The following TPMT variants were observed in gnomAD, a reference collection of about 807,000 sequenced individuals.
The protein encoded by TPMT is thiopurine S-methyltransferase.
Under a neutral mutation model 34.2 loss-of-function variants are expected in TPMT, and 18 were observed. The observed-to-expected ratio is 0.53, with a 90% CI of 0.36 to 0.78. The LOEUF is 0.78. Ranked by LOEUF, TPMT falls within the 30% of genes least tolerant of loss-of-function variation. TPMT has a pLI of 0.00. For synonymous variants in TPMT, 69 were observed against 92.4 expected, an observed-to-expected ratio of 0.75 and a Z score of 1.45; for missense variants, 265 against 288.1, an observed-to-expected ratio of 0.92 and a Z score of 0.58.
chr6:18,147,198 T>A (rs1361462005), intron 3 of TPMT, among the ~76,000 whole-genome samples: 3 of 152,256 alleles, frequency 2.0e-5, no homozygotes, highest in Non-Finnish European at 4.4e-5. Context: ...TGATTGTATC[T>A]GTATATTATC....
rs947936677 is a variant in TPMT, at chr6:18,139,781, G to C, written c.367-64C>G. On this transcript the variant is annotated intron_variant, in intron 4 of 8. Transcript: ENST00000309983. The surrounding 1 kb of genome is among the most constrained non-coding windows in gnomAD (Gnocchi z 4.2). ...CTTAGTAAGTACTTGAATAGTCAAG[G>C]AAAGAGGGCCAAGCAAAGCAAAAGT... is the stretch of plus-strand genomic sequence containing the variant. The C allele has an allele frequency of 8.9e-7, 1 of 1,120,144 alleles. No homozygotes were observed. The highest frequency in any genetic ancestry group is 1.6e-5 in the African/African-American group (1 of 63,332). 69.4% of individuals were successfully genotyped at this position (1,120,144 alleles called of 1,614,324 possible).
chr6:18,133,961 G>A, intron 6 of TPMT, 72 bp from the exon 7 acceptor site: 1 of 1,265,948 alleles, frequency 7.9e-7, no homozygotes, highest in Non-Finnish European at 1.1e-6. Flanking sequence ...AAAAGGCAGG[G>A]AAGGAAGCCA....
At chr6:18,133,055 T>C (rs181535775) in intron 7 of TPMT, among the ~76,000 whole-genome samples, 22 of 152,250 alleles carry the variant, frequency 1.4e-4, no homozygotes, top group African/African-American at 5.1e-4. Flanking sequence ...ATGAAACCAC[T>C]GCACTCCAGC....
At chr6:18,147,974 T>C in intron 2 of TPMT, 59 bp from the exon 3 acceptor site, 1 of 1,271,392 alleles carries the variant, frequency 7.9e-7, no homozygotes, top group Non-Finnish European at 1.1e-6. Flanking sequence ...ACACTTTTCA[T>C]TCATTATCTC....
chr6:18,132,056 C>G lies in TPMT; in HGVS notation c.625+77G>C, dbSNP rs1279094524. The G allele has an allele frequency of 6.7e-7, 1 of 1,503,066 alleles. No individual in the cohort carries two copies. The highest frequency in any genetic ancestry group is 9.2e-7 in the Non-Finnish European group (1 of 1,081,994). 93.1% of individuals were successfully genotyped at this position (1,503,066 alleles called of 1,614,324 possible). On this transcript the variant is annotated intron_variant, in intron 8 of 8. Coordinates refer to ENST00000309983, the MANE Select transcript of TPMT (RefSeq NM_000367.5). The surrounding 1 kb of genome is among the most constrained non-coding windows in gnomAD (Gnocchi z 4.8). ...CCTCCCAAAGTGCTGGAAATACAGG[C>G]ATGAGCCAGCACGCCAGGCCCAAAA...
In TPMT at chr6:18,155,040, ACAG is replaced by A. The variant is rs1341969335; in HGVS notation, c.-55_-53del. On this transcript the variant is annotated 5_prime_UTR_variant, in exon 1 of 9. Coordinates refer to ENST00000309983, the MANE Select transcript of TPMT (RefSeq NM_000367.5). This position sits in a 1 kb window ranked among gnomAD's most constrained non-coding sequence, Gnocchi z 6.2. ...GCGCCCGAGTGAGCCTACCTCGCTT[ACAG>A]CTGGTTGCCGGCCATTGCCTCCGCC... is the stretch of plus-strand genomic sequence containing the variant. 2 of 152,654 alleles carry A rather than the reference ACAG, an allele frequency of 1.3e-5. No individual in the cohort carries two copies. Among genetic ancestry groups the A allele is most frequent in the East Asian group, 1.9e-4 (1 of 5,166 alleles). 9.5% of individuals were successfully genotyped at this position (152,654 alleles called of 1,614,324 possible).
chr6:18,148,050 T>C lies in TPMT; in HGVS notation c.141-135A>G. On this transcript the variant is annotated intron_variant, in intron 2 of 8. Transcript: ENST00000309983. The surrounding 1 kb of genome is among the most constrained non-coding windows in gnomAD (Gnocchi z 4.1). The stretch of plus-strand genomic sequence containing the variant: ...ATTATTATAATCTCCAGCTTACATA[T>C]GAAGAAACAGGTAACTTGCTCAGAC... 1 of 716,896 alleles carries C rather than the reference T, an allele frequency of 1.4e-6. No individual in the cohort carries two copies. Among genetic ancestry groups the C allele is most frequent in the Non-Finnish European group, 2.4e-6 (1 of 420,030 alleles). 44.4% of individuals were successfully genotyped at this position (716,896 alleles called of 1,614,324 possible).
Position 18,131,294 on chromosome 6 carries a change from C to T in TPMT, c.626-514G>A, listed in dbSNP as rs1458924900. Among the ~76,000 whole-genome samples the T allele has an allele frequency of 6.6e-6, 1 of 152,088 alleles. No individual in the cohort carries two copies. Among genetic ancestry groups the T allele is most frequent in the African/African-American group, 2.4e-5 (1 of 41,410 alleles). On this transcript the variant is annotated intron_variant, in intron 8 of 8. Coordinates refer to ENST00000309983, the MANE Select transcript of TPMT (RefSeq NM_000367.5). The surrounding 1 kb of genome is among the most constrained non-coding windows in gnomAD (Gnocchi z 4.3). ...TAACTCCCAAGAGTAAAAATAAATA[C>T]ACCACTGGGCATGGCGGCTCATGCC... is the stretch of plus-strand genomic sequence containing the variant.
chr6:18,148,435 C>T lies in TPMT; in HGVS notation c.141-520G>A, dbSNP rs912463467. The stretch of plus-strand genomic sequence containing the variant: ...TGATGTCATCTCCTGGGGAGATGGG[C>T]GTGGCTGCCCAGAACAAGGAATGTC... On this transcript the variant is annotated intron_variant, in intron 2 of 8. Transcript: ENST00000309983. This position sits in a 1 kb window ranked among gnomAD's most constrained non-coding sequence, Gnocchi z 4.1. Among the ~76,000 whole-genome samples, 3 of 152,068 alleles carry T rather than the reference C, an allele frequency of 2.0e-5. No homozygotes were observed. Among genetic ancestry groups the T allele is most frequent in the South Asian group, 4.2e-4 (2 of 4,816 alleles).
rs74441115 is a variant in TPMT at position 18,143,129 on chromosome 6, G to A, written c.366+467C>T. On this transcript the variant is annotated intron_variant, in intron 4 of 8. Coordinates refer to ENST00000309983, the MANE Select transcript of TPMT (RefSeq NM_000367.5). This position sits in a 1 kb window ranked among gnomAD's most constrained non-coding sequence, Gnocchi z 6.1. ...ATGCTTCAGGAAGCACCGCCAGGTTGGGCAGGTAACTCCCATCTCTTCCCT... is the reference window on the plus strand; with the variant it reads ...ATGCTTCAGGAAGCACCGCCAGGTTAGGCAGGTAACTCCCATCTCTTCCCT... Among the ~76,000 whole-genome samples the A allele has an allele frequency of 8.3e-3, 1,266 of 152,218 alleles. 22 individuals carry two copies. Among genetic ancestry groups the A allele is most frequent in the African/African-American group, 0.029 (1,209 of 41,548 alleles).
At chr6:18,133,406 T>G (rs776713194) in intron 7 of TPMT, among the ~76,000 whole-genome samples, 1 of 152,228 alleles carries the variant, frequency 6.6e-6, no homozygotes, top group African/African-American at 2.4e-5. Flanking sequence ...TATTCACTTC[T>G]CACCCCGTGC....
rs1037040111 is a variant in TPMT at position 18,148,846 on chromosome 6, A to G, written c.140+142T>C. ...TTAAACTACATCATGCCACAGATGC[A>G]CTGTGACTCGGGAGACACAAAAATG... On this transcript the variant is annotated intron_variant, in intron 2 of 8. Transcript: ENST00000309983. The surrounding 1 kb of genome is among the most constrained non-coding windows in gnomAD (Gnocchi z 4.1). The G allele has an allele frequency of 2.6e-6, 3 of 1,166,930 alleles. No homozygotes were observed. The highest frequency in any genetic ancestry group is 3.8e-6 in the Non-Finnish European group (3 of 797,808). The allele number at this position is 1,166,930 out of a possible 1,614,324, so 72.3% of individuals were successfully genotyped here.
intron 4 of TPMT, among the ~76,000 whole-genome samples, chr6:18,141,511 T>C (rs1784141115): frequency 6.6e-6 from 1 of 152,176 alleles, no homozygotes; most frequent in African/African-American, 2.4e-5. Flanking sequence ...AGCTAATTTT[T>C]GCATTTTTAG....
At position 18,130,483 on chromosome 6, in the gene TPMT, A is replaced by C. The variant is rs1209540992; in HGVS notation, c.*185T>G. The C allele has an allele frequency of 5.4e-6, 3 of 554,150 alleles. No homozygotes were observed. The highest frequency in any genetic ancestry group is 9.7e-6 in the Non-Finnish European group (3 of 308,292). The allele number at this position is 554,150 out of a possible 1,614,324, so 34.3% of individuals were successfully genotyped here. On this transcript the variant is annotated 3_prime_UTR_variant, in exon 9 of 9. Transcript: ENST00000309983. The surrounding 1 kb of genome is among the most constrained non-coding windows in gnomAD (Gnocchi z 4.2). Reference sequence around the variant, plus strand: ...GGAGCTACTTTAAAAGTTTAGTTACATCTTTTTCTTCTAAAACTTTTTTAG... The same window carrying C: ...GGAGCTACTTTAAAAGTTTAGTTACCTCTTTTTCTTCTAAAACTTTTTTAG...
In TPMT at chr6:18,149,409, G is replaced by C. The variant is rs1276876712; in HGVS notation, c.-44-238C>G. Among the ~76,000 whole-genome samples, 1 of 151,686 alleles carries C rather than the reference G, an allele frequency of 6.6e-6. No homozygotes were observed. Among genetic ancestry groups the C allele is most frequent in the Non-Finnish European group, 1.5e-5 (1 of 67,972 alleles). The stretch of plus-strand genomic sequence containing the variant: ...AGGTTCAAGCAATTCTGCTGCCTCA[G>C]CCTCCCAAGTAGCTGGGACTGCAGG... On this transcript the variant is annotated intron_variant, in intron 1 of 8. Coordinates refer to ENST00000309983, the MANE Select transcript of TPMT (RefSeq NM_000367.5). This position sits in a 1 kb window ranked among gnomAD's most constrained non-coding sequence, Gnocchi z 5.0.
At position 18,143,706 on chromosome 6, in the gene TPMT, C is replaced by T; in HGVS notation, c.256G>A (p.Val86Ile). ...MKWFADRGHS[V>I]VGVEISELGI... is the part of the protein sequence containing the mutation. ...AGTTCACTGATTTCCACACCAACTA[C>T]ACTGTGTCCCCGGTCTGCAAACCTG... Residue 86 changes from valine to isoleucine, a missense_variant, in exon 4 of 9, where the codon GTA (valine) becomes ATA (isoleucine). Coordinates refer to ENST00000309983, the MANE Select transcript of TPMT (RefSeq NM_000367.5). This position sits in a 1 kb window ranked among gnomAD's most constrained non-coding sequence, Gnocchi z 6.1. 1 of 1,614,100 alleles carries T rather than the reference C, an allele frequency of 6.2e-7. No individual in the cohort carries two copies. The highest frequency in any genetic ancestry group is 8.5e-7 in the Non-Finnish European group (1 of 1,180,012).
Position 18,147,925 on chromosome 6 carries a change from A to T in TPMT, c.141-10T>A. ...ATGCTTCTTTAATAGCCTGAAGAGG[A>T]AAAAAAAAAAGGTTTTAGGACAATT... On this transcript the variant is annotated splice_polypyrimidine_tract_variant and intron_variant, in intron 2 of 8. Coordinates refer to ENST00000309983, the MANE Select transcript of TPMT (RefSeq NM_000367.5). The T allele has an allele frequency of 1.5e-6, 1 of 686,594 alleles. No individual in the cohort carries two copies. 42.5% of individuals were successfully genotyped at this position (686,594 alleles called of 1,614,324 possible). A position where few individuals can be genotyped will look rare whatever the true frequency, so the allele number is the denominator to read the frequency against.
At chr6:18,134,256 G>C (rs1784001495) in intron 6 of TPMT, among the ~76,000 whole-genome samples, 1 of 152,126 alleles carries the variant, frequency 6.6e-6, no homozygotes, top group South Asian at 2.1e-4. Context: ...GACCAGGCTG[G>C]GTGTCAAAAT....
Position 18,136,906 on chromosome 6 carries a change from T to C in TPMT, c.494+2057A>G, listed in dbSNP as rs531261815. Reference sequence around the variant, plus strand: ...TTGGGTGAGAGCATAAGGCTGAGGATGGTGGTCCCTTGGGGAATCACGACT... The same window carrying C: ...TTGGGTGAGAGCATAAGGCTGAGGACGGTGGTCCCTTGGGGAATCACGACT... On this transcript the variant is annotated intron_variant, in intron 6 of 8. Coordinates refer to ENST00000309983, the MANE Select transcript of TPMT (RefSeq NM_000367.5). The surrounding 1 kb of genome is among the most constrained non-coding windows in gnomAD (Gnocchi z 4.7). Among the ~76,000 whole-genome samples, 33 of 152,298 alleles carry C rather than the reference T, an allele frequency of 2.2e-4. No individual in the cohort carries two copies. The highest frequency in any genetic ancestry group is 7.7e-4 in the African/African-American group (32 of 41,568).
Sources: allele counts gnomAD v4.1 joint callset (sites outside exome capture counted in the v4.1 genomes callset), GRCh38; gene constraint gnomAD v4.1.1; non-coding constraint Gnocchi (gnomAD v3.1); transcripts MANE v1.5; gene names NCBI Gene and HGNC (gene_info 2026-07-23, HGNC 2026-07-21).